Variants in MAPK10 observed in about 807,000 individuals in gnomAD.
The protein encoded by MAPK10 is mitogen-activated protein kinase 10.
A neutral mutation model predicts 59.3 loss-of-function variants in MAPK10; 25 were observed. The ratio of observed to expected loss-of-function variants is 0.42; its 90% CI spans 0.31 to 0.59. MAPK10 has a LOEUF of 0.59. MAPK10 is among the 20% of genes least tolerant of loss of function. MAPK10 has a pLI of 0.15. For missense variants in MAPK10, 351 were observed against 568.9 expected (o/e 0.62, Z 3.90); for synonymous variants, 190 against 200.5 (o/e 0.95, Z 0.44).
intron 1 of MAPK10, among the ~76,000 whole-genome samples, chr4:86,548,178 C>T (rs555003637): frequency 6.6e-5 from 10 of 152,018 alleles, no homozygotes; most frequent in Non-Finnish European, 1.0e-4. Context: ...CTGAAGCCAG[C>T]GAGACCACGA....
chr4:86,509,427 G>A (rs916815345), intron 1 of MAPK10, among the ~76,000 whole-genome samples: 8 of 150,016 alleles, frequency 5.3e-5, no homozygotes, highest in Admixed American at 5.3e-4. Flanking sequence ...AAATTGCTTT[G>A]TCTGTCTGTT....
At chr4:86,019,260 T>G (rs1232153562) in intron 13 of MAPK10, among the ~76,000 whole-genome samples, 1 of 152,336 alleles carries the variant, frequency 6.6e-6, no homozygotes, top group African/African-American at 2.4e-5. Flanking sequence ...TGTATTTTTT[T>G]GGGATCTTGA....
intron 13 of MAPK10, chr4:86,020,545 A>T (rs1296833413): frequency 5.9e-6 from 1 of 170,706 alleles, no homozygotes; most frequent in Non-Finnish European, 1.2e-5. Flanking sequence ...GGTCTCACTG[A>T]CTTCAAGATT....
intron 2 of MAPK10, among the ~76,000 whole-genome samples, chr4:86,351,653 C>T (rs1323932317): frequency 2.0e-5 from 3 of 151,772 alleles, no homozygotes; most frequent in African/African-American, 7.3e-5. Flanking sequence ...TTCCAAACAC[C>T]GAGAAACTGA....
At chr4:86,546,538 CA>C (rs1290158725) in intron 1 of MAPK10, among the ~76,000 whole-genome samples, 2 of 130,352 alleles carry the variant, frequency 1.5e-5, no homozygotes, top group African/African-American at 2.9e-5. Flanking sequence ...GCCTGGGGGA[CA>C]AGAGCGAAAC....
At chr4:86,139,425 A>G (rs1201749845) in intron 4 of MAPK10, among the ~76,000 whole-genome samples, 1 of 150,020 alleles carries the variant, frequency 6.7e-6, no homozygotes, top group Non-Finnish European at 1.5e-5. Context: ...AAAAACAAGC[A>G]ATGGGGAAAG....
intron 11 of MAPK10, among the ~76,000 whole-genome samples, chr4:86,062,739 G>A (rs1212296676): frequency 1.3e-5 from 2 of 152,004 alleles, no homozygotes; most frequent in African/African-American, 4.8e-5. Flanking sequence ...TTTCATCAGA[G>A]ATAAAATTTT....
chr4:86,087,646 A>C (rs1580001999), intron 9 of MAPK10, among the ~76,000 whole-genome samples: 1 of 152,306 alleles, frequency 6.6e-6, no homozygotes, highest in Non-Finnish European at 1.5e-5. Context: ...GTTTTTAGTA[A>C]GAATAATCAG....
intron 4 of MAPK10, among the ~76,000 whole-genome samples, chr4:86,153,018 A>T (rs1326640332): frequency 2.0e-5 from 3 of 152,202 alleles, no homozygotes; most frequent in Admixed American, 2.0e-4. Context: ...ACTTTTTAAC[A>T]TAACCATGGA....
At chr4:86,214,967 A>G (rs982164237) in intron 2 of MAPK10, among the ~76,000 whole-genome samples, 2 of 152,166 alleles carry the variant, frequency 1.3e-5, no homozygotes, top group Non-Finnish European at 2.9e-5. Context: ...ACAACCTTGA[A>G]AAAAGAACAA....
At chr4:86,490,659 G>A (rs921585692) in intron 1 of MAPK10, among the ~76,000 whole-genome samples, 2 of 152,186 alleles carry the variant, frequency 1.3e-5, no homozygotes, top group African/African-American at 2.4e-5. Flanking sequence ...CAGTTCCCTG[G>A]TACCTTCCTT....
rs540895989 is a variant in MAPK10 at position 86,281,939 on chromosome 4, G to A, written c.-7+72591C>T. Among the ~76,000 whole-genome samples the A allele has an allele frequency of 1.8e-4, 28 of 152,170 alleles. No individual in the cohort carries two copies. In the South Asian group the frequency reaches 5.8e-3, roughly 32 times the overall value. ...GGAATTTCAATCTGTAACTTTTAAT[G>A]GATGACTTTTAATAAGACTTTTATA... On this transcript the variant is annotated intron_variant, in intron 2 of 13. Coordinates refer to ENST00000641462, the MANE Select transcript of MAPK10 (RefSeq NM_138982.4).
intron 13 of MAPK10, among the ~76,000 whole-genome samples, chr4:86,020,002 A>G (rs1388576662): frequency 5.9e-5 from 9 of 152,184 alleles, no homozygotes; most frequent in South Asian, 2.1e-4. Flanking sequence ...GTTTTTTAGT[A>G]TATTCACAAC....
rs189510314 is a variant in MAPK10, at chr4:86,439,802, A to G, written c.-122+13228T>C. On this transcript the variant is annotated intron_variant, in intron 1 of 13. Transcript: ENST00000361569. The stretch of plus-strand genomic sequence containing the variant: ...TCTTGTTTTTTGTTTTAGCCAATCC[A>G]ATAGGTGTCTAGTACTAACTCATTT... 2.9e-3 allele frequency among the ~76,000 whole-genome samples: 448 copies of G among 152,284 alleles called. 4 individuals are homozygous for G. The highest frequency in any genetic ancestry group is 0.01 in the African/African-American group (429 of 41,574).
chr4:86,387,574 T>C (rs1741648142), intron 1 of MAPK10, among the ~76,000 whole-genome samples: 1 of 152,202 alleles, frequency 6.6e-6, no homozygotes, highest in African/African-American at 2.4e-5. Context: ...ACTTAACTCT[T>C]AATAGCTGAC....
chr4:86,120,550 G>GAGAAGAA (rs1283482943), intron 4 of MAPK10: 1 of 152,186 alleles, frequency 6.6e-6, no homozygotes, highest in African/African-American at 2.4e-5. Context: ...GGTGACATTG[G>GAGAAGAA]AGAAGAAACT....
chr4:86,419,210 A>G (rs955973453), intron 1 of MAPK10, among the ~76,000 whole-genome samples: 10 of 152,222 alleles, frequency 6.6e-5, no homozygotes, highest in African/African-American at 2.4e-4. Flanking sequence ...GGCTATAAAA[A>G]TGTGTCATTT....
chr4:86,341,059 GT>G (rs1330170666), intron 2 of MAPK10, among the ~76,000 whole-genome samples: 1 of 152,146 alleles, frequency 6.6e-6, no homozygotes, highest in East Asian at 1.9e-4. Flanking sequence ...GGGAGAGATG[GT>G]GGCTGAGTAT....
chr4:86,238,189 T>A (rs943395860), intron 2 of MAPK10, among the ~76,000 whole-genome samples: 3 of 152,208 alleles, frequency 2.0e-5, no homozygotes, highest in Admixed American at 2.0e-4. Context: ...GTCTCTGTTC[T>A]GCTCTATTGG....
Sources: gnomAD v4.1 joint callset for allele counts (sites outside exome capture counted in the v4.1 genomes callset) on GRCh38, gnomAD v4.1.1 for gene constraint, MANE v1.5 for transcripts, NCBI Gene and HGNC (gene_info 2026-07-23, HGNC 2026-07-21) for gene names.